GNAI3: variants seen among roughly 807,000 people sequenced by gnomAD.
The protein encoded by GNAI3 is G protein subunit alpha i3, also known as guanine nucleotide-binding protein G(i) subunit alpha-3.
In GNAI3, 12 loss-of-function variants were observed where a neutral mutation model predicts 41.8. That is an observed-to-expected ratio of 0.29 (90% CI 0.18 to 0.47). GNAI3 has a LOEUF of 0.47. GNAI3 is among the 20% of genes least tolerant of loss of function. The pLI, the probability that GNAI3 is intolerant of heterozygous loss-of-function variation, is 1.00. For missense variants in GNAI3, 360 were observed against 429.6 expected, an observed-to-expected ratio of 0.84 and a Z score of 1.43; for synonymous variants, 132 against 146.5, an observed-to-expected ratio of 0.90 and a Z score of 0.71.
chr1:109,599,868 T>C lies in GNAI3; in HGVS notation c.*7546T>C, dbSNP rs1158524086. 6.6e-6 allele frequency: 1 copy of C among 152,224 alleles called. No individual in the cohort carries two copies. The highest frequency in any genetic ancestry group is 1.5e-5 in the Non-Finnish European group (1 of 68,046). The allele number at this position is 152,224 out of a possible 1,614,324, so 9.4% of individuals were successfully genotyped here. A position where few individuals can be genotyped will look rare whatever the true frequency, so the allele number is the denominator to read the frequency against. On this transcript the variant is annotated 3_prime_UTR_variant, in exon 9 of 9. Coordinates refer to ENST00000369851, the MANE Select transcript of GNAI3 (RefSeq NM_006496.4). ...AAGAACAAGAAATTGGCTTTGATTT[T>C]ATAGTGTATGGTGCTCTGTTGGTAG...
chr1:109,579,237 A>G lies in GNAI3; in HGVS notation c.337A>G (p.Ser113Gly). 6.2e-7 allele frequency: 1 copy of G among 1,613,114 alleles called. No individual in the cohort carries two copies. Among genetic ancestry groups the G allele is most frequent in the Non-Finnish European group, 8.5e-7 (1 of 1,179,368 alleles). ...CCGGCAATTATTTGTTTTAGCTGGC[A>G]GTGCTGAAGAAGGAGTCATGACTCC... is the stretch of plus-strand genomic sequence containing the variant. The part of the protein sequence containing the change: ...DARQLFVLAG[S>G]AEEGVMTPEL... Residue 113 changes from serine (S) to glycine (G), a missense_variant, in exon 4 of 9, where the codon AGT (serine) becomes GGT (glycine). By Grantham distance (56) the Ser-to-Gly change is moderately conservative. Transcript: ENST00000369851.
intron 3 of GNAI3, among the ~76,000 whole-genome samples, chr1:109,575,241 T>G (rs1184881100): frequency 1.3e-5 from 2 of 152,140 alleles, no homozygotes; most frequent in East Asian, 3.8e-4. Flanking sequence ...TCTCACCCCC[T>G]GCTTTTGTTT....
intron 1 of GNAI3, among the ~76,000 whole-genome samples, chr1:109,552,710 C>A (rs537034685): frequency 6.6e-6 from 1 of 151,134 alleles, no homozygotes; most frequent in South Asian, 2.1e-4. Flanking sequence ...TTTGTGTGTG[C>A]GGGTTTTGTT....
In GNAI3 at chr1:109,596,447, A is replaced by C. The variant is rs1483620884; in HGVS notation, c.*4125A>C. 1 of 152,222 alleles carries C rather than the reference A, an allele frequency of 6.6e-6. No homozygotes were observed. Among genetic ancestry groups the C allele is most frequent in the African/African-American group, 2.4e-5 (1 of 41,426 alleles). The allele number at this position is 152,222 out of a possible 1,614,324, so 9.4% of individuals were successfully genotyped here. A position where few individuals can be genotyped will look rare whatever the true frequency, so the allele number is the denominator to read the frequency against. ...CTGCTCACTGCAACCTTTGCCTCTT[A>C]GGTTCAAGCGATTCTTGTGCCTCAG... On this transcript the variant is annotated 3_prime_UTR_variant, in exon 9 of 9. Coordinates refer to ENST00000369851, the MANE Select transcript of GNAI3 (RefSeq NM_006496.4).
intron 1 of GNAI3, among the ~76,000 whole-genome samples, chr1:109,553,952 C>A (rs1479687539): frequency 1.3e-5 from 2 of 152,132 alleles, no homozygotes; most frequent in East Asian, 3.8e-4. Context: ...TGAGAACGTA[C>A]GATGTTTGGT....
chr1:109,589,952 A>G (rs371571512), intron 7 of GNAI3, among the ~76,000 whole-genome samples: 1 of 152,232 alleles, frequency 6.6e-6, no homozygotes, highest in African/African-American at 2.4e-5. Context: ...TAAAATGGTT[A>G]AATATCTGTT....
intron 1 of GNAI3, among the ~76,000 whole-genome samples, chr1:109,566,064 T>C (rs1648445256): frequency 6.6e-6 from 1 of 152,166 alleles, no homozygotes; most frequent in Non-Finnish European, 1.5e-5. Context: ...GAAGGACAGT[T>C]TGGGGGCTAG....
chr1:109,564,149 T>TACAGGAAGAGCTGGAGAATCAG (rs1553223179), intron 1 of GNAI3, among the ~76,000 whole-genome samples: 1 of 151,938 alleles, frequency 6.6e-6, no homozygotes, highest in Non-Finnish European at 1.5e-5. Flanking sequence ...TTTGTGGGAA[T>TACAGGAAGAGCTGGAGAATCAG]ACAGGAAGAG....
intron 5 of GNAI3, among the ~76,000 whole-genome samples, chr1:109,583,738 G>A (rs943277625): frequency 1.3e-4 from 19 of 149,160 alleles, no homozygotes; most frequent in Admixed American, 8.7e-4. Context: ...GTTGCACCAC[G>A]CCCGGCTAAT....
At chr1:109,586,117 G>C (rs1002800476) in intron 5 of GNAI3, 99 bp from the exon 6 acceptor site, 3 of 955,952 alleles carry the variant, frequency 3.1e-6, no homozygotes, top group Non-Finnish European at 4.5e-6. Context: ...TATAAATGAA[G>C]TTTTGAATAT....
rs1296454413 is a variant in GNAI3, at chr1:109,592,236, A to G, written c.*3A>G. ...TAAAGGAATGTGGACTTTATTGAGA[A>G]GCATGGATGTTAGTGAAAGGTAAAG... is the stretch of plus-strand genomic sequence containing the variant. On this transcript the variant is annotated 3_prime_UTR_variant, in exon 8 of 9. Transcript: ENST00000369851. 6.3e-7 allele frequency: 1 copy of G among 1,587,744 alleles called. No homozygotes were observed. Among genetic ancestry groups the G allele is most frequent in the Non-Finnish European group, 8.6e-7 (1 of 1,156,600 alleles).
chr1:109,578,388 A>G (rs1571158356), intron 3 of GNAI3, among the ~76,000 whole-genome samples: 2 of 150,414 alleles, frequency 1.3e-5, no homozygotes, highest in Non-Finnish European at 3.0e-5. Context: ...GAGAATCGCT[A>G]GAACCCAGGA....
intron 1 of GNAI3, among the ~76,000 whole-genome samples, chr1:109,569,953 TG>T (rs1648550553): frequency 6.6e-6 from 1 of 152,212 alleles, no homozygotes; most frequent in Admixed American, 6.5e-5. Flanking sequence ...TATAAAAGAA[TG>T]GTACACATTA....
intron 5 of GNAI3, among the ~76,000 whole-genome samples, chr1:109,585,901 T>C (rs1028813834): frequency 1.3e-5 from 2 of 152,198 alleles, no homozygotes; most frequent in Admixed American, 1.3e-4. Context: ...GCTTTTCCTG[T>C]CTTTTCCCCT....
intron 4 of GNAI3, among the ~76,000 whole-genome samples, chr1:109,581,968 A>G (rs979251024): frequency 2.0e-5 from 3 of 152,018 alleles, no homozygotes; most frequent in Non-Finnish European, 4.4e-5. Context: ...TAATTGTCCT[A>G]TGTTGGATTC....
chr1:109,580,527 T>A (rs1015362682), intron 4 of GNAI3, among the ~76,000 whole-genome samples: 7 of 152,190 alleles, frequency 4.6e-5, no homozygotes, highest in African/African-American at 1.2e-4. Flanking sequence ...AAATGCATCA[T>A]TAGGTGATTT....
chr1:109,583,402 A>G lies in GNAI3; in HGVS notation c.590+837A>G, dbSNP rs116082149. Among the ~76,000 whole-genome samples, 844 of 151,994 alleles carry G rather than the reference A, an allele frequency of 5.6e-3. 7 individuals carry two copies. Among genetic ancestry groups the G allele is most frequent in the African/African-American group, 0.02 (823 of 41,446 alleles). On this transcript the variant is annotated intron_variant, in intron 5 of 8. Transcript: ENST00000369851. ...TGTTTTAAAAAAATTTTATGTAGAGACAGGATCTCTCTTTATTGCCCAGGC... is the reference window on the plus strand; with the variant it reads ...TGTTTTAAAAAAATTTTATGTAGAGGCAGGATCTCTCTTTATTGCCCAGGC...
Position 109,599,997 on chromosome 1 carries a change from G to C in GNAI3, c.*7675G>C, listed in dbSNP as rs556531958. ...TGATGAAGATACTCTTCCTTCCTGG[G>C]CTTCAGTTTTTGATCTATAAATTGC... On this transcript the variant is annotated 3_prime_UTR_variant, in exon 9 of 9. Transcript: ENST00000369851. The C allele has an allele frequency of 1.7e-4, 26 of 152,138 alleles. No homozygotes were observed. Among genetic ancestry groups the C allele is most frequent in the African/African-American group, 6.0e-4 (25 of 41,514 alleles). The allele number at this position is 152,138 out of a possible 1,614,324, so 9.4% of individuals were successfully genotyped here.
At chr1:109,550,643 C>G (rs1647960064) in intron 1 of GNAI3, among the ~76,000 whole-genome samples, 2 of 152,078 alleles carry the variant, frequency 1.3e-5, no homozygotes, top group African/African-American at 4.8e-5. Flanking sequence ...ACGCCATTCT[C>G]CTGCCTCAGC....
Sources: allele counts gnomAD v4.1 joint callset (sites outside exome capture counted in the v4.1 genomes callset), GRCh38; gene constraint gnomAD v4.1.1; transcripts MANE v1.5; gene names NCBI Gene and HGNC (gene_info 2026-07-23, HGNC 2026-07-21).